The following MEGF8 variants were observed in gnomAD, a reference collection of about 807,000 sequenced individuals.
The protein encoded by MEGF8 is multiple epidermal growth factor-like domains protein 8.
A neutral mutation model predicts 302.9 loss-of-function variants in MEGF8; 156 were observed. The observed-to-expected ratio is 0.52, with a 90% confidence interval of 0.45 to 0.59. The LOEUF (loss-of-function observed/expected upper bound fraction) is 0.59, where lower values mean the gene tolerates loss of function less well. MEGF8 is among the 20% of genes least tolerant of loss of function. The probability of loss-of-function intolerance (pLI) is 0.00; values close to 1 mark genes in which losing one functional copy is unlikely to be tolerated. For missense variants in MEGF8, 3,345 were observed against 3,964.5 expected (o/e 0.84, Z 4.20); for synonymous variants, 1,621 against 1,660.5 (o/e 0.98, Z 0.58).
At position 42,357,662 on chromosome 19, in the gene MEGF8, T is replaced by A; in HGVS notation, c.5011+78T>A. 7.7e-7 allele frequency: 1 copy of A among 1,306,850 alleles called. No homozygotes were observed. The highest frequency in any genetic ancestry group is 1.0e-6 in the Non-Finnish European group (1 of 954,854). 81.0% of individuals were successfully genotyped at this position (1,306,850 alleles called of 1,614,324 possible). ...GGCTTCCTGTGGGCTCTCCATCCACTGCTGTGCTCTGTGGCCACCTGTCTC... is the reference window on the plus strand; with the variant it reads ...GGCTTCCTGTGGGCTCTCCATCCACAGCTGTGCTCTGTGGCCACCTGTCTC... On this transcript the variant is annotated intron_variant, in intron 28 of 41. Coordinates refer to ENST00000251268, the MANE Select transcript of MEGF8 (RefSeq NM_001271938.2). This position sits in a 1 kb window ranked among gnomAD's most constrained non-coding sequence, Gnocchi z 5.2.
In MEGF8 at chr19:42,369,718, A is replaced by G; in HGVS notation, c.6829A>G (p.Thr2277Ala). 1 of 1,605,344 alleles carries G rather than the reference A, an allele frequency of 6.2e-7. No homozygotes were observed. Among genetic ancestry groups the G allele is most frequent in the Non-Finnish European group, 8.5e-7 (1 of 1,176,946 alleles). The stretch of plus-strand genomic sequence containing the variant: ...CCACTGCTTGCTCTGCCGCAACCAC[A>G]CCAAGGTGGGCCGCCCGGAGCCTCA... ...RDHCLLCRNH[T>A]KGSHCEQCLP... The change falls in exon 38 of 42, where the codon ACC becomes GCC. Residue 2277 changes from threonine (T) to alanine (A), a missense_variant. Physicochemically the swap from Thr to Ala is moderately conservative, Grantham distance 58. Coordinates refer to ENST00000251268, the MANE Select transcript of MEGF8 (RefSeq NM_001271938.2). The surrounding 1 kb of genome is among the most constrained non-coding windows in gnomAD (Gnocchi z 5.7).
intron 13 of MEGF8, 35 bp from the exon 14 acceptor site, chr19:42,349,464 C>A: frequency 1.3e-5 from 21 of 1,586,846 alleles, no homozygotes; most frequent in Non-Finnish European, 1.7e-5. Flanking sequence ...GGGAAGGGTT[C>A]TGAGGCCCCT....
In MEGF8 at chr19:42,358,783, C is replaced by T; in HGVS notation, c.5176-4C>T. 6.5e-7 allele frequency: 1 copy of T among 1,534,994 alleles called. No individual in the cohort carries two copies. Among genetic ancestry groups the T allele is most frequent in the Non-Finnish European group, 8.8e-7 (1 of 1,141,804 alleles). ...CAACCCCAGGACGCCCCCACTGTCA[C>T]TAGCGAGATCGTATGAGGAATGTGC... On this transcript the variant is annotated splice_polypyrimidine_tract_variant and splice_region_variant and intron_variant, in intron 29 of 41. Transcript: ENST00000251268. The surrounding 1 kb of genome is among the most constrained non-coding windows in gnomAD (Gnocchi z 4.4).
Position 42,351,176 on chromosome 19 carries a change from C to G in MEGF8, c.2737-40C>G, listed in dbSNP as rs1240341717. On this transcript the variant is annotated intron_variant, in intron 15 of 41. Coordinates refer to ENST00000251268, the MANE Select transcript of MEGF8 (RefSeq NM_001271938.2). This position sits in a 1 kb window ranked among gnomAD's most constrained non-coding sequence, Gnocchi z 5.6. ...GGCACTGGGAGTCCAAAGGAAAGGG[C>G]TGAGTGGGGTTCTGACTCCTCTGCC... 6.6e-7 allele frequency: 1 copy of G among 1,523,462 alleles called. No individual in the cohort carries two copies. The highest frequency in any genetic ancestry group is 8.9e-7 in the Non-Finnish European group (1 of 1,124,368). The allele number at this position is 1,523,462 out of a possible 1,614,324, so 94.4% of individuals were successfully genotyped here.
chr19:42,371,376 C>T lies in MEGF8; in HGVS notation c.7163C>T (p.Thr2388Ile), dbSNP rs1194659954. ...TGCCAGTGTAATGGCCACGCGGACA[C>T]ATGTAACGAGCAGGATGGGACGGGC... ...TKCQCNGHAD[T>I]CNEQDGTGCP... is the part of the protein sequence containing the mutation. Residue 2388 changes from threonine to isoleucine, a missense_variant, in exon 41 of 42, where the codon ACA becomes ATA. Coordinates refer to ENST00000251268, the MANE Select transcript of MEGF8 (RefSeq NM_001271938.2). The T allele has an allele frequency of 6.2e-7, 1 of 1,613,856 alleles. No homozygotes were observed. Among genetic ancestry groups the T allele is most frequent in the Non-Finnish European group, 8.5e-7 (1 of 1,179,890 alleles).
intron 41 of MEGF8, among the ~76,000 whole-genome samples, chr19:42,373,567 AT>A (rs1023236360): frequency 8.2e-5 from 12 of 146,476 alleles, no homozygotes; most frequent in East Asian, 2.0e-4. Flanking sequence ...TACCTGGCTA[AT>A]TTTTTTTTTA....
intron 12 of MEGF8, among the ~76,000 whole-genome samples, chr19:42,346,122 G>T (rs368383489): frequency 1.5e-4 from 23 of 152,232 alleles, no homozygotes; most frequent in Middle Eastern, 3.4e-3. Context: ...GCATGGTCTC[G>T]ATCTCCTGAC....
At chr19:42,329,459 T>G (rs1028397486) in intron 1 of MEGF8, among the ~76,000 whole-genome samples, 39 of 152,268 alleles carry the variant, frequency 2.6e-4, no homozygotes, top group African/African-American at 8.7e-4. Flanking sequence ...GATGTTGGGG[T>G]GAGGGAGGAG....
At chr19:42,361,687 C>T (rs922935062) in intron 32 of MEGF8, among the ~76,000 whole-genome samples, 4 of 152,056 alleles carry the variant, frequency 2.6e-5, no homozygotes, top group Non-Finnish European at 4.4e-5. Flanking sequence ...GGACAGGGAG[C>T]CATGGAAGGC....
Position 42,376,464 on chromosome 19 carries a change from C to G in MEGF8, c.8227C>G (p.Pro2743Ala), listed in dbSNP as rs758513082. ...CCTGCTGCTGACAGGGGCCGGTGGGCCCTGGGGACCCATGGGAGGGGGCTG... is the reference window on the plus strand; with the variant it reads ...CCTGCTGCTGACAGGGGCCGGTGGGGCCTGGGGACCCATGGGAGGGGGCTG... Reference protein sequence around the residue: ...APLLLTGAGGPWGPMGGGCCP... With the variant: ...APLLLTGAGGAWGPMGGGCCP... The change falls in exon 42 of 42, where the codon CCC becomes GCC. Residue 2743 changes from proline to alanine, a missense_variant. Pro to Ala is a conservative substitution (Grantham distance 27). Coordinates refer to ENST00000251268, the MANE Select transcript of MEGF8 (RefSeq NM_001271938.2). This position sits in a 1 kb window ranked among gnomAD's most constrained non-coding sequence, Gnocchi z 8.2. The G allele has an allele frequency of 5.0e-6, 8 of 1,608,112 alleles. No individual in the cohort carries two copies. In the African/African-American group the frequency reaches 8.0e-5, roughly 16 times the overall value.
chr19:42,362,646 C>T (rs747217897), intron 34 of MEGF8, 49 bp downstream of exon 34: 11 of 1,590,968 alleles, frequency 6.9e-6, no homozygotes, highest in Middle Eastern at 1.8e-4. Context: ...GGCCTGGACT[C>T]CTGGGTCTGA....
At position 42,360,991 on chromosome 19, in the gene MEGF8, G is replaced by A; in HGVS notation, c.5705G>A (p.Gly1902Glu). 1 of 1,559,166 alleles carries A rather than the reference G, an allele frequency of 6.4e-7. No individual in the cohort carries two copies. The highest frequency in any genetic ancestry group is 2.3e-5 in the East Asian group (1 of 44,314). The change falls in exon 32 of 42, where the codon GGG becomes GAG. Residue 1902 changes from glycine (G) to glutamate (E), a missense_variant. Coordinates refer to ENST00000251268, the MANE Select transcript of MEGF8 (RefSeq NM_001271938.2). ...CTWCHGACLS[G>E]DQAHRLGCGG... Reference sequence around the variant, plus strand: ...TGGTGCCATGGGGCCTGCTTGTCCGGGGATCAGGCCCACAGGTAACCATGG... The same window carrying A: ...TGGTGCCATGGGGCCTGCTTGTCCGAGGATCAGGCCCACAGGTAACCATGG...
chr19:42,344,536 T>G lies in MEGF8; in HGVS notation c.1884T>G (p.Pro628=). The G allele has an allele frequency of 6.2e-7, 1 of 1,600,216 alleles. No individual in the cohort carries two copies. The highest frequency in any genetic ancestry group is 8.5e-7 in the Non-Finnish European group (1 of 1,179,084). Residue 628 remains proline, a synonymous_variant, in exon 11 of 42, where the codon CCT becomes CCG. Transcript: ENST00000251268. The surrounding 1 kb of genome is among the most constrained non-coding windows in gnomAD (Gnocchi z 4.5). ...GCCCCACAGCCCCTCCACGGGGACCTGGCACCCTGGGCTGGTGCGTGCACA... is the reference window on the plus strand; with the variant it reads ...GCCCCACAGCCCCTCCACGGGGACCGGGCACCCTGGGCTGGTGCGTGCACA... ...FSSPTAPPRG[P]GTLGWCVHNE...
rs764690745 is a variant in MEGF8 at position 42,363,163 on chromosome 19, C to T, written c.6174C>T (p.Pro2058=). The T allele has an allele frequency of 1.2e-6, 2 of 1,612,390 alleles. No homozygotes were observed. The change falls in exon 35 of 42, where the codon CCC becomes CCT. Residue 2058 remains proline (P), a synonymous_variant. Transcript: ENST00000251268. ...AATCATCACCCCCACTGCCCTGCCCCACCCCTTGTCACCTCCTACCCAACT... is the reference window on the plus strand; with the variant it reads ...AATCATCACCCCCACTGCCCTGCCCTACCCCTTGTCACCTCCTACCCAACT... The part of the protein sequence containing the change: ...PVESSPPLPC[P]TPCHLLPNCT...
chr19:42,368,694 G>C lies in MEGF8; in HGVS notation c.6481+32G>C. Reference sequence around the variant, plus strand: ...GGGCTTTGGGCACTGGGGGAGAGGGGCTGGCCCTTGGTTGGGGTCTGATAC... The same window carrying C: ...GGGCTTTGGGCACTGGGGGAGAGGGCCTGGCCCTTGGTTGGGGTCTGATAC... On this transcript the variant is annotated intron_variant, in intron 36 of 41. Transcript: ENST00000251268. This position sits in a 1 kb window ranked among gnomAD's most constrained non-coding sequence, Gnocchi z 4.9. 6.5e-7 allele frequency: 1 copy of C among 1,529,636 alleles called. No homozygotes were observed. Among genetic ancestry groups the C allele is most frequent in the South Asian group, 1.3e-5 (1 of 79,406 alleles). The allele number at this position is 1,529,636 out of a possible 1,614,324, so 94.8% of individuals were successfully genotyped here. A position where few individuals can be genotyped will look rare whatever the true frequency, so the allele number is the denominator to read the frequency against.
At position 42,357,632 on chromosome 19, in the gene MEGF8, A is replaced by G. The variant is rs2039471439; in HGVS notation, c.5011+48A>G. The G allele has an allele frequency of 1.3e-5, 20 of 1,512,692 alleles. No homozygotes were observed. Among genetic ancestry groups the G allele is most frequent in the Admixed American group, 2.0e-5 (1 of 50,106 alleles). 93.7% of individuals were successfully genotyped at this position (1,512,692 alleles called of 1,614,324 possible). On this transcript the variant is annotated intron_variant, in intron 28 of 41. Coordinates refer to ENST00000251268, the MANE Select transcript of MEGF8 (RefSeq NM_001271938.2). This position sits in a 1 kb window ranked among gnomAD's most constrained non-coding sequence, Gnocchi z 5.2. ...GACAGCCCCCGTGGACCTCCCGGGCATCTGGGCTTCCTGTGGGCTCTCCAT... is the reference window on the plus strand; with the variant it reads ...GACAGCCCCCGTGGACCTCCCGGGCGTCTGGGCTTCCTGTGGGCTCTCCAT...
In MEGF8 at chr19:42,376,542, ACT is replaced by A; in HGVS notation, c.8309_8310del (p.Leu2770ArgfsTer144). Reference protein sequence around the residue: ...TTAGLRAGPITLEPTEDGMAG... With the variant: ...TTAGLRAGPIXLEPTEDGMAG... ...TGCTGGGCTGCGAGCTGGGCCCATC[ACT>A]CTCGAGCCCACAGAAGATGGCATGG... On this transcript the variant is annotated frameshift_variant, in exon 42 of 42. Coordinates refer to ENST00000251268, the MANE Select transcript of MEGF8 (RefSeq NM_001271938.2). LOFTEE classifies it high-confidence loss of function. The surrounding 1 kb of genome is among the most constrained non-coding windows in gnomAD (Gnocchi z 8.2). 2 of 1,561,326 alleles carry A rather than the reference ACT, an allele frequency of 1.3e-6. No individual in the cohort carries two copies. The highest frequency in any genetic ancestry group is 2.4e-5 in the East Asian group (1 of 41,616).
In MEGF8 at chr19:42,377,654, G is replaced by GCA. The variant is rs2039786319; in HGVS notation, c.*885_*886dup. The GCA allele has an allele frequency of 6.6e-6, 1 of 152,306 alleles. No individual in the cohort carries two copies. Among genetic ancestry groups the GCA allele is most frequent in the African/African-American group, 2.4e-5 (1 of 41,438 alleles). 9.4% of individuals were successfully genotyped at this position (152,306 alleles called of 1,614,324 possible). A position where few individuals can be genotyped will look rare whatever the true frequency, so the allele number is the denominator to read the frequency against. On this transcript the variant is annotated 3_prime_UTR_variant, in exon 42 of 42. Transcript: ENST00000251268. Reference sequence around the variant, plus strand: ...ATACAAAAATTAGCTGGGCATGGTGGCACACACTTGTAGTCCGAGCTACTC... The same window carrying GCA: ...ATACAAAAATTAGCTGGGCATGGTGGCACACACACTTGTAGTCCGAGCTACTC...
In MEGF8 at chr19:42,335,111, C is replaced by T. The variant is rs763485160; in HGVS notation, c.635C>T (p.Ala212Val). 6.2e-7 allele frequency: 1 copy of T among 1,613,970 alleles called. No homozygotes were observed. Among genetic ancestry groups the T allele is most frequent in the Non-Finnish European group, 8.5e-7 (1 of 1,179,864 alleles). ...CDLHLWENQGAGWWHNVSARD... is the reference protein window; with the variant it reads ...CDLHLWENQGVGWWHNVSARD... ...CTGCACCTGTGGGAGAACCAGGGGG[C>T]TGGGTGGTGGCACAACGTGAGTGCC... is the stretch of plus-strand genomic sequence containing the variant. Residue 212 changes from alanine (A) to valine (V), a missense_variant, in exon 4 of 42, where the codon GCT (alanine) becomes GTT (valine). Physicochemically the swap from Ala to Val is moderately conservative, Grantham distance 64. Transcript: ENST00000251268.
Sources: allele counts gnomAD v4.1 joint callset (sites outside exome capture counted in the v4.1 genomes callset), GRCh38; gene constraint gnomAD v4.1.1; non-coding constraint Gnocchi (gnomAD v3.1); transcripts MANE v1.5; gene names NCBI Gene and HGNC (gene_info 2026-07-23, HGNC 2026-07-21).